CEP192: variants seen among roughly 807,000 people sequenced by gnomAD.
The protein encoded by CEP192 is centrosomal protein of 192 kDa.
A neutral mutation model predicts 271.8 loss-of-function variants in CEP192; 151 were observed. The observed-to-expected ratio is 0.56, with a 90% CI of 0.49 to 0.64. The LOEUF (loss-of-function observed/expected upper bound fraction) is 0.64, where lower values mean the gene tolerates loss of function less well. CEP192 is among the 30% of genes least tolerant of loss of function. The pLI, the probability that CEP192 is intolerant of heterozygous loss-of-function variation, is 0.00. For synonymous variants in CEP192, 995 were observed against 1,076.5 expected, an observed-to-expected ratio of 0.92 and a Z score of 1.48; for missense variants, 2,910 against 3,020.5, an observed-to-expected ratio of 0.96 and a Z score of 0.86.
intron 7 of CEP192, 78 bp downstream of exon 7, chr18:13,017,414 A>G (rs1325732953): frequency 8.6e-7 from 1 of 1,158,328 alleles, no homozygotes; most frequent in African/African-American, 1.6e-5. Context: ...GTTCACATGA[A>G]ATGTAAGCCT....
chr18:13,095,722 C>T lies in CEP192; in HGVS notation c.6433+41C>T, dbSNP rs768643593. The T allele has an allele frequency of 1.7e-5, 27 of 1,562,292 alleles. No individual in the cohort carries two copies. The South Asian group carries it at 2.3e-4, about 13-fold the overall frequency. The stretch of plus-strand genomic sequence containing the variant: ...GTGACACCTCAGAGGTGTGTTCCGG[C>T]GTCCGGGCCTGCACTCCCATTGTGC... On this transcript the variant is annotated intron_variant, in intron 35 of 44. Coordinates refer to ENST00000506447, the MANE Select transcript of CEP192 (RefSeq NM_032142.4).
rs200080709 is a variant in CEP192 at position 13,051,572 on chromosome 18, G to GTC, written c.3018-1338_3018-1337dup. 6.2e-3 allele frequency among the ~76,000 whole-genome samples: 940 copies of GTC among 152,098 alleles called. 3 individuals carry two copies. Among genetic ancestry groups the GTC allele is most frequent in the Middle Eastern group, 0.02 (6 of 294 alleles). Reference sequence around the variant, plus strand: ...TATTTTTTATTTTTTTTGAGACAGAGTCTCTCTCTCGCCCAGGCTGGAGTG... The same window carrying GTC: ...TATTTTTTATTTTTTTTGAGACAGAGTCTCTCTCTCTCGCCCAGGCTGGAGTG... On this transcript the variant is annotated intron_variant, in intron 17 of 44. Transcript: ENST00000506447.
intron 28 of CEP192, among the ~76,000 whole-genome samples, chr18:13,072,364 GTTTC>G (rs1177304030): frequency 6.6e-6 from 1 of 152,190 alleles, no homozygotes; most frequent in African/African-American, 2.4e-5. Context: ...AGGACCCCTT[GTTTC>G]CCTGAAAGCT....
At chr18:13,043,895 T>C (rs2036337258) in intron 15 of CEP192, among the ~76,000 whole-genome samples, 1 of 152,178 alleles carries the variant, frequency 6.6e-6, no homozygotes, top group African/African-American at 2.4e-5. Context: ...TAGTTGTATA[T>C]ATTTATGGGG....
Position 13,056,072 on chromosome 18 carries a change from A to C in CEP192, c.3482A>C (p.Glu1161Ala). 6.2e-7 allele frequency: 1 copy of C among 1,614,094 alleles called. No homozygotes were observed. The highest frequency in any genetic ancestry group is 8.5e-7 in the Non-Finnish European group (1 of 1,179,972). The part of the protein sequence containing the change: ...SEVGWTSNPE[E>A]LDPIRLALLG... Reference sequence around the variant, plus strand: ...GTAGGTTGGACATCAAACCCTGAGGAATTGGACCCGATCAGGCTGGCTCTC... The same window carrying C: ...GTAGGTTGGACATCAAACCCTGAGGCATTGGACCCGATCAGGCTGGCTCTC... Residue 1161 changes from glutamate (E) to alanine (A), a missense_variant, in exon 19 of 45, where the codon GAA becomes GCA. Transcript: ENST00000506447.
chr18:13,039,603 C>T (rs1217525262), intron 13 of CEP192, among the ~76,000 whole-genome samples: 2 of 152,124 alleles, frequency 1.3e-5, no homozygotes, highest in Non-Finnish European at 2.9e-5. Flanking sequence ...GGCAGAGCTG[C>T]TCTGAGGAGC....
At chr18:13,060,834 G>GGATC (rs956569920) in intron 21 of CEP192, among the ~76,000 whole-genome samples, 5 of 151,892 alleles carry the variant, frequency 3.3e-5, no homozygotes, top group South Asian at 2.1e-4. Flanking sequence ...TAAGGTGAGA[G>GGATC]GATCACTAGA....
chr18:13,015,236 T>C, intron 5 of CEP192, 92 bp from the exon 6 acceptor site: 1 of 1,172,414 alleles, frequency 8.5e-7, no homozygotes, highest in African/African-American at 1.6e-5. Context: ...ACAGTGGAGG[T>C]TGAGAACATA....
intron 4 of CEP192, among the ~76,000 whole-genome samples, chr18:13,009,159 C>T (rs747829502): frequency 2.6e-5 from 4 of 151,892 alleles, no homozygotes; most frequent in Admixed American, 6.6e-5. Flanking sequence ...CTCCTGGCTT[C>T]GATGTATTCA....
chr18:13,018,546 G>C lies in CEP192; in HGVS notation c.856G>C (p.Asp286His). ...AAATAACAGCTCTCTGATTTCCCTC[G>C]ACTCACACTCTTCTGAAACAACTCA... ...SENNSSLISL[D>H]SHSSETTHKE... Residue 286 changes from aspartate to histidine, a missense_variant, in exon 8 of 45, where the codon GAC (aspartate) becomes CAC (histidine). Physicochemically the swap from Asp to His is moderately conservative, Grantham distance 81. Coordinates refer to ENST00000506447, the MANE Select transcript of CEP192 (RefSeq NM_032142.4). The C allele has an allele frequency of 6.5e-7, 1 of 1,540,660 alleles. No individual in the cohort carries two copies. The highest frequency in any genetic ancestry group is 1.2e-5 in the South Asian group (1 of 82,730).
At chr18:13,111,300 A>T (rs2040198077) in intron 40 of CEP192, among the ~76,000 whole-genome samples, 1 of 151,986 alleles carries the variant, frequency 6.6e-6, no homozygotes, top group Admixed American at 6.6e-5. Context: ...AATTTTTTGT[A>T]TTTTTAGTAG....
intron 18 of CEP192, among the ~76,000 whole-genome samples, chr18:13,054,347 G>A (rs1307048077): frequency 2.6e-5 from 4 of 152,214 alleles, no homozygotes; most frequent in African/African-American, 4.8e-5. Context: ...TGGACGTTGT[G>A]GATGTGACAG....
rs1339342660 is a variant in CEP192, at chr18:13,111,522, T to A, written c.7048-2064T>A. On this transcript the variant is annotated intron_variant, in intron 40 of 44. Coordinates refer to ENST00000506447, the MANE Select transcript of CEP192 (RefSeq NM_032142.4). Reference sequence around the variant, plus strand: ...AGACCATAAACATTAGACCTAAAGCTATAAAACCTCTAAAAGACAACATAG... The same window carrying A: ...AGACCATAAACATTAGACCTAAAGCAATAAAACCTCTAAAAGACAACATAG... Among the ~76,000 whole-genome samples, 3 of 152,168 alleles carry A rather than the reference T, an allele frequency of 2.0e-5. No individual in the cohort carries two copies. The East Asian group carries it at 5.8e-4, about 29-fold the overall frequency.
chr18:13,094,004 G>A (rs934653876), intron 34 of CEP192, among the ~76,000 whole-genome samples: 2 of 152,200 alleles, frequency 1.3e-5, no homozygotes, highest in Non-Finnish European at 2.9e-5. Context: ...TGACCTTGAT[G>A]TTTTTATGGA....
chr18:13,046,519 A>G (rs2036490368), intron 15 of CEP192, among the ~76,000 whole-genome samples: 1 of 152,032 alleles, frequency 6.6e-6, no homozygotes. Flanking sequence ...AGAGTTTTAT[A>G]TGATTCCAAT....
rs2039646403 is a variant in CEP192 at position 13,100,332 on chromosome 18, G to T, written c.6691G>T (p.Asp2231Tyr). ...AATTGTGAAAGTTCAAATTCGAGAA[G>T]ATTTAACTCAAGTGGAACTTTTAAC... is the stretch of plus-strand genomic sequence containing the variant. ...KKIVKVQIREDLTQVELLTRL... is the reference protein window; with the variant it reads ...KKIVKVQIREYLTQVELLTRL... Residue 2231 changes from aspartate to tyrosine, a missense_variant, in exon 38 of 45, where the codon GAT (aspartate) becomes TAT (tyrosine). Asp to Tyr is a radical substitution (Grantham distance 160, BLOSUM62 -3). Transcript: ENST00000506447. 6.2e-7 allele frequency: 1 copy of T among 1,613,824 alleles called. No homozygotes were observed. Among genetic ancestry groups the T allele is most frequent in the Non-Finnish European group, 8.5e-7 (1 of 1,179,888 alleles).
rs1401250804 is a variant in CEP192, at chr18:13,056,210, C to G, written c.3620C>G (p.Ala1207Gly). The G allele has an allele frequency of 1.2e-6, 2 of 1,614,068 alleles. No homozygotes were observed. Among genetic ancestry groups the G allele is most frequent in the Non-Finnish European group, 1.7e-6 (2 of 1,179,948 alleles). Reference protein sequence around the residue: ...QRISPKDKSTAGREFSGQVSH... With the variant: ...QRISPKDKSTGGREFSGQVSH... ...ATAAGTCCTAAAGATAAGTCAACTG[C>G]TGGCCGTGAGTTCAGTGGCCAGGTT... Residue 1207 changes from alanine to glycine, a missense_variant, in exon 19 of 45, where the codon GCT becomes GGT. By Grantham distance (60) the Ala-to-Gly change is moderately conservative. Transcript: ENST00000506447.
chr18:13,106,509 TACCACCACCACC>T (rs761390676), intron 40 of CEP192, among the ~76,000 whole-genome samples: 3 of 136,862 alleles, frequency 2.2e-5, no homozygotes, highest in Admixed American at 7.2e-5. Flanking sequence ...CACCATTTCC[TACCACCACCACC>T]ACCACCACCA....
intron 7 of CEP192, among the ~76,000 whole-genome samples, chr18:13,018,039 T>G (rs1205408965): frequency 6.6e-6 from 1 of 152,180 alleles, no homozygotes; most frequent in East Asian, 1.9e-4. Context: ...TTAAACGTTT[T>G]GGCAAGAATA....
Sources: gnomAD v4.1 joint callset for allele counts (sites outside exome capture counted in the v4.1 genomes callset) on GRCh38, gnomAD v4.1.1 for gene constraint, MANE v1.5 for transcripts, NCBI Gene and HGNC (gene_info 2026-07-23, HGNC 2026-07-21) for gene names.